HS6ST3: variants seen among roughly 807,000 people sequenced by gnomAD.
The protein encoded by HS6ST3 is heparan-sulfate 6-O-sulfotransferase 3.
HS6ST3 carries 12 observed loss-of-function variants against 36.7 expected under a neutral mutation model. The observed-to-expected ratio is 0.33, with a 90% CI of 0.21 to 0.53. The LOEUF is 0.53. Ranked by LOEUF, HS6ST3 falls within the 20% of genes least tolerant of loss-of-function variation. The pLI is 0.95. For missense variants in HS6ST3, 584 were observed against 640.9 expected, an observed-to-expected ratio of 0.91 and a Z score of 0.96; for synonymous variants, 240 against 257.5, an observed-to-expected ratio of 0.93 and a Z score of 0.65.
At chr13:96,226,352 C>G (rs1487761948) in intron 1 of HS6ST3, among the ~76,000 whole-genome samples, 5 of 152,060 alleles carry the variant, frequency 3.3e-5, no homozygotes, top group Admixed American at 1.3e-4. Context: ...GAAACCCCGT[C>G]TCTACTAAAA....
At chr13:96,664,000 G>A (rs1712715660) in intron 1 of HS6ST3, among the ~76,000 whole-genome samples, 1 of 152,088 alleles carries the variant, frequency 6.6e-6, no homozygotes, top group East Asian at 1.9e-4. Flanking sequence ...GTGCAAACAG[G>A]TTTAAGGGAA....
At chr13:96,596,707 A>G (rs1212302009) in intron 1 of HS6ST3, among the ~76,000 whole-genome samples, 1 of 152,216 alleles carries the variant, frequency 6.6e-6, no homozygotes, top group Non-Finnish European at 1.5e-5. Context: ...GTTGTGGAGA[A>G]AAAGAAACAT....
intron 1 of HS6ST3, among the ~76,000 whole-genome samples, chr13:96,242,232 C>CT (rs963239027): frequency 7.1e-6 from 1 of 140,846 alleles, no homozygotes; most frequent in African/African-American, 2.7e-5. Flanking sequence ...TTTTTTTTTT[C>CT]TTTTTTTGAG....
intron 1 of HS6ST3, among the ~76,000 whole-genome samples, chr13:96,703,411 T>C (rs1875340120): frequency 6.6e-6 from 1 of 152,224 alleles, no homozygotes; most frequent in Non-Finnish European, 1.5e-5. Flanking sequence ...AATTTACTGG[T>C]GCATCCTAAT....
At chr13:96,656,027 A>G (rs115271809) in intron 1 of HS6ST3, among the ~76,000 whole-genome samples, 271 of 152,292 alleles carry the variant, frequency 1.8e-3, no homozygotes, top group African/African-American at 6.4e-3. Context: ...GATGATGTAT[A>G]AAACATACTA....
intron 1 of HS6ST3, among the ~76,000 whole-genome samples, chr13:96,663,025 T>G (rs1388295978): frequency 6.6e-6 from 1 of 152,120 alleles, no homozygotes; most frequent in East Asian, 1.9e-4. Flanking sequence ...CTAAGTTCCC[T>G]GTTTAGCTGG....
intron 1 of HS6ST3, among the ~76,000 whole-genome samples, chr13:96,614,720 TATC>T (rs2056468218): frequency 1.3e-5 from 2 of 152,212 alleles, no homozygotes; most frequent in African/African-American, 2.4e-5. Context: ...AATAATGTGT[TATC>T]ATTTTACAGG....
intron 1 of HS6ST3, among the ~76,000 whole-genome samples, chr13:96,569,682 A>G (rs1426109553): frequency 6.6e-6 from 1 of 152,186 alleles, no homozygotes; most frequent in East Asian, 1.9e-4. Flanking sequence ...GAAAACAAAT[A>G]AAATAAACCT....
intron 1 of HS6ST3, among the ~76,000 whole-genome samples, chr13:96,585,457 T>A (rs913935223): frequency 6.6e-6 from 1 of 152,188 alleles, no homozygotes; most frequent in Admixed American, 6.5e-5. Flanking sequence ...TCCATTATCT[T>A]ACATAGCTAT....
chr13:96,543,172 G>A (rs888709831), intron 1 of HS6ST3, among the ~76,000 whole-genome samples: 7 of 152,082 alleles, frequency 4.6e-5, no homozygotes, highest in Admixed American at 3.9e-4. Context: ...ACAGATTATG[G>A]AGGATGCAGC....
chr13:96,496,747 A>AT (rs557239372), intron 1 of HS6ST3, among the ~76,000 whole-genome samples: 9 of 151,566 alleles, frequency 5.9e-5, no homozygotes, highest in African/African-American at 9.7e-5. Flanking sequence ...ACACGTTGCT[A>AT]TTTTTTTTTA....
intron 1 of HS6ST3, among the ~76,000 whole-genome samples, chr13:96,631,785 T>C (rs1483744056): frequency 6.6e-6 from 1 of 152,242 alleles, no homozygotes; most frequent in African/African-American, 2.4e-5. Context: ...GGATGTCACA[T>C]ATTCCTTAAA....
At chr13:96,706,198 C>T (rs2138456726) in intron 1 of HS6ST3, among the ~76,000 whole-genome samples, 1 of 151,990 alleles carries the variant, frequency 6.6e-6, no homozygotes, top group South Asian at 2.1e-4. Context: ...GCATGTTCCT[C>T]TTCCCCTAGG....
chr13:96,347,835 A>T (rs2055163213), intron 1 of HS6ST3, among the ~76,000 whole-genome samples: 2 of 151,940 alleles, frequency 1.3e-5, no homozygotes. Flanking sequence ...CACCCCTTTC[A>T]CTATAACTGG....
chr13:96,788,929 GT>G (rs1373758479), intron 1 of HS6ST3, among the ~76,000 whole-genome samples: 3 of 151,700 alleles, frequency 2.0e-5, no homozygotes, highest in Admixed American at 1.3e-4. Context: ...ATTTAAAGTA[GT>G]TTTTTTATAG....
At chr13:96,571,048 A>ATG (rs1227223513) in intron 1 of HS6ST3, among the ~76,000 whole-genome samples, 1 of 152,212 alleles carries the variant, frequency 6.6e-6, no homozygotes, top group East Asian at 1.9e-4. Context: ...ATCTGTGAGA[A>ATG]TGTAGTTCAG....
At chr13:96,695,073 T>C (rs112164692) in intron 1 of HS6ST3, among the ~76,000 whole-genome samples, 3 of 152,182 alleles carry the variant, frequency 2.0e-5, no homozygotes, top group African/African-American at 4.8e-5. Context: ...AGGAATACTT[T>C]TGTAGTTTTT....
chr13:96,292,788 T>A (rs988693818), intron 1 of HS6ST3, among the ~76,000 whole-genome samples: 4 of 152,138 alleles, frequency 2.6e-5, no homozygotes. Flanking sequence ...AGTTATTAAA[T>A]TGAAAAGAAA....
chr13:96,647,765 T>G (rs2056593938), intron 1 of HS6ST3, among the ~76,000 whole-genome samples: 2 of 151,974 alleles, frequency 1.3e-5, no homozygotes, highest in Admixed American at 1.3e-4. Flanking sequence ...TTTTTCTGAA[T>G]CTGTTATACT....
Sources: allele counts gnomAD v4.1 joint callset (sites outside exome capture counted in the v4.1 genomes callset), GRCh38; gene constraint gnomAD v4.1.1; transcripts MANE v1.5; gene names NCBI Gene and HGNC (gene_info 2026-07-23, HGNC 2026-07-21).